BIRC6: variants seen among roughly 807,000 people sequenced by gnomAD.
The protein encoded by BIRC6 is baculoviral IAP repeat containing 6, also known as dual E2 ubiquitin-conjugating enzyme/E3 ubiquitin-protein ligase BIRC6.
Under a neutral mutation model 503.3 loss-of-function variants are expected in BIRC6, and 98 were observed. The ratio of observed to expected loss-of-function variants is 0.19; its 90% CI spans 0.17 to 0.23. The LOEUF is 0.23. BIRC6 is among the 10% of genes least tolerant of loss of function. The pLI is 1.00. For synonymous variants in BIRC6, 2,240 were observed against 2,078.7 expected (o/e 1.08, Z -2.11); for missense variants, 5,360 against 5,806.0 (o/e 0.92, Z 2.50).
At chr2:32,544,123 G>A (rs1368576198) in intron 62 of BIRC6, among the ~76,000 whole-genome samples, 1 of 152,084 alleles carries the variant, frequency 6.6e-6, no homozygotes, top group Admixed American at 6.6e-5. Context: ...TGCACAAAAG[G>A]GAGCATTGTG....
chr2:32,499,414 T>A, intron 45 of BIRC6, 133 bp from the exon 46 acceptor site: 2 of 768,752 alleles, frequency 2.6e-6, no homozygotes, highest in Non-Finnish European at 2.0e-6. Context: ...ATATCAAGAA[T>A]TTGTTTAACT....
At chr2:32,568,986 T>C (rs2059735682) in intron 65 of BIRC6, among the ~76,000 whole-genome samples, 1 of 145,770 alleles carries the variant, frequency 6.9e-6, no homozygotes, top group African/African-American at 2.5e-5. Flanking sequence ...GTCTCTCTCT[T>C]TTTTTTTTTT....
chr2:32,461,037 CTT>C (rs1558789398), intron 23 of BIRC6, among the ~76,000 whole-genome samples: 9,803 of 86,540 alleles, frequency 0.11, 1,267 homozygotes, highest in Non-Finnish European at 0.16. Context: ...CTTCTCTTCT[CTT>C]CTCTTCTCTT....
intron 33 of BIRC6, 100 bp from the exon 34 acceptor site, chr2:32,476,113 G>A: frequency 3.6e-6 from 3 of 836,920 alleles, no homozygotes; most frequent in Non-Finnish European, 5.3e-6. Flanking sequence ...TCAAGATAAT[G>A]TGCATTCCAT....
intron 4 of BIRC6, among the ~76,000 whole-genome samples, chr2:32,389,378 A>G (rs1398270067): frequency 1.6e-5 from 2 of 121,708 alleles, no homozygotes; most frequent in Non-Finnish European, 1.8e-5. Context: ...TTTTATAATG[A>G]AAAAAAAAAA....
chr2:32,468,159 T>C (rs749727933), intron 28 of BIRC6, 48 bp downstream of exon 28: 46 of 1,535,980 alleles, frequency 3.0e-5, no homozygotes, highest in South Asian at 1.2e-5. Context: ...TTGTATTTTA[T>C]ATAATGTCTT....
chr2:32,478,339 AAAT>A, intron 35 of BIRC6, among the ~76,000 whole-genome samples: 2 of 152,316 alleles, frequency 1.3e-5, no homozygotes, highest in East Asian at 3.9e-4. Context: ...TGTCTCAAAA[AAAT>A]AAAAAAAGAA....
intron 65 of BIRC6, among the ~76,000 whole-genome samples, chr2:32,551,074 C>G (rs1367327769): frequency 6.6e-6 from 1 of 151,716 alleles, no homozygotes; most frequent in Non-Finnish European, 1.5e-5. Flanking sequence ...GAGATAATAC[C>G]TTATATTAAG....
chr2:32,401,649 T>TTAATAG, intron 8 of BIRC6, 26 bp downstream of exon 8: 1 of 1,571,622 alleles, frequency 6.4e-7, no homozygotes, highest in Non-Finnish European at 8.6e-7. Flanking sequence ...TTAGTAGTAT[T>TTAATAG]TAATAGATGT....
At chr2:32,456,441 G>A (rs764666811) in intron 23 of BIRC6, among the ~76,000 whole-genome samples, 1 of 152,194 alleles carries the variant, frequency 6.6e-6, no homozygotes, top group African/African-American at 2.4e-5. Flanking sequence ...AGACATTTGA[G>A]TTGTTTCATT....
At chr2:32,610,779 T>A (rs2062815018) in intron 72 of BIRC6, among the ~76,000 whole-genome samples, 1 of 152,234 alleles carries the variant, frequency 6.6e-6, no homozygotes, top group Admixed American at 6.5e-5. Context: ...TCTTCTTTTC[T>A]TTTCTTTTTG....
chr2:32,514,138 TAGAG>T (rs773306332), intron 54 of BIRC6, among the ~76,000 whole-genome samples: 4 of 151,948 alleles, frequency 2.6e-5, no homozygotes, highest in Admixed American at 2.0e-4. Context: ...CTGGCTAAAA[TAGAG>T]AGACCAAATC....
intron 1 of BIRC6, among the ~76,000 whole-genome samples, chr2:32,364,397 G>A (rs2034571891): frequency 6.6e-6 from 1 of 152,084 alleles, no homozygotes; most frequent in Non-Finnish European, 1.5e-5. Flanking sequence ...GCGCCACCAT[G>A]CCTGGCTAAT....
Position 32,617,810 on chromosome 2 carries a change from T to C in BIRC6, c.14480T>C (p.Val4827Ala). The change falls in exon 74 of 74, where the codon GTG (valine) becomes GCG (alanine). Residue 4827 changes from valine (V) to alanine (A), a missense_variant. By Grantham distance (64) the Val-to-Ala change is moderately conservative. Coordinates refer to ENST00000421745, the MANE Select transcript of BIRC6 (RefSeq NM_016252.4). Reference protein sequence around the residue: ...LDPDTDDAPEVCRATTGAEET... With the variant: ...LDPDTDDAPEACRATTGAEET... ...CCTGACACTGACGATGCCCCAGAGG[T>C]GTGCAGAGCCACAACAGGTGCTGAG... The C allele has an allele frequency of 6.2e-7, 1 of 1,613,906 alleles. No individual in the cohort carries two copies. Among genetic ancestry groups the C allele is most frequent in the Non-Finnish European group, 8.5e-7 (1 of 1,179,868 alleles).
At position 32,543,282 on chromosome 2, in the gene BIRC6, G is replaced by C; in HGVS notation, c.12333G>C (p.Pro4111=). ...TAACATCTACCACTCAGGAAAAGCCGAAGGATAGCGATCAGTTTGAATGGG... is the reference window on the plus strand; with the variant it reads ...TAACATCTACCACTCAGGAAAAGCCCAAGGATAGCGATCAGTTTGAATGGG... ...PVVTSTTQEK[P]KDSDQFEWVT... The change falls in exon 62 of 74, where the codon CCG becomes CCC. Residue 4111 remains proline, a synonymous_variant. Transcript: ENST00000421745. 6.2e-7 allele frequency: 1 copy of C among 1,613,970 alleles called. No homozygotes were observed. The highest frequency in any genetic ancestry group is 8.5e-7 in the Non-Finnish European group (1 of 1,179,870).
rs746318322 is a variant in BIRC6, at chr2:32,617,794, G to T, written c.14464G>T (p.Asp4822Tyr). 6.2e-7 allele frequency: 1 copy of T among 1,614,026 alleles called. No individual in the cohort carries two copies. Among genetic ancestry groups the T allele is most frequent in the East Asian group, 2.2e-5 (1 of 44,884 alleles). The change falls in exon 74 of 74, where the codon GAC (aspartate) becomes TAC (tyrosine). Residue 4822 changes from aspartate (D) to tyrosine (Y), a missense_variant. Physicochemically the swap from Asp to Tyr is radical, Grantham distance 160. Transcript: ENST00000421745. ...CCCTGAAGGCTTGGATCCTGACACT[G>T]ACGATGCCCCAGAGGTGTGCAGAGC... ...PCPEGLDPDT[D>Y]DAPEVCRATT...
chr2:32,406,416 C>A, intron 8 of BIRC6, 83 bp from the exon 9 acceptor site: 2 of 1,061,296 alleles, frequency 1.9e-6, no homozygotes, highest in Non-Finnish European at 2.8e-6. Flanking sequence ...CCCACAAAAC[C>A]AACTGTTCTT....
intron 10 of BIRC6, among the ~76,000 whole-genome samples, chr2:32,422,283 AT>A (rs1403575798): frequency 1.3e-5 from 2 of 152,184 alleles, no homozygotes; most frequent in African/African-American, 4.8e-5. Flanking sequence ...TAAGGTAATT[AT>A]TGCTATGGTT....
chr2:32,396,825 G>A (rs957690839), intron 6 of BIRC6, among the ~76,000 whole-genome samples: 1 of 152,044 alleles, frequency 6.6e-6, no homozygotes, highest in Non-Finnish European at 1.5e-5. Flanking sequence ...CCGGGTTCAG[G>A]CGATTCTCCT....
Sources: gnomAD v4.1 joint callset for allele counts (sites outside exome capture counted in the v4.1 genomes callset) on GRCh38, gnomAD v4.1.1 for gene constraint, MANE v1.5 for transcripts, NCBI Gene and HGNC (gene_info 2026-07-23, HGNC 2026-07-21) for gene names.